ZNHIT6: variants seen among roughly 807,000 people sequenced by gnomAD.
The protein encoded by ZNHIT6 is box C/D snoRNA protein 1.
Under a neutral mutation model 57.2 loss-of-function variants are expected in ZNHIT6, and 45 were observed. That is an observed-to-expected ratio of 0.79 (90% CI 0.62 to 1.01). ZNHIT6 has a LOEUF of 1.01. ZNHIT6 is among the 50% of genes least tolerant of loss of function. The pLI is 0.00. For synonymous variants in ZNHIT6, 188 were observed against 190.0 expected (o/e 0.99, Z 0.09); for missense variants, 528 against 567.3 (o/e 0.93, Z 0.70).
intron 8 of ZNHIT6, among the ~76,000 whole-genome samples, chr1:85,674,170 T>G (rs983204662): frequency 5.9e-5 from 9 of 152,198 alleles, no homozygotes; most frequent in Admixed American, 5.9e-4. Context: ...TTCCTTTGCT[T>G]TGATAGTATT....
intron 4 of ZNHIT6, among the ~76,000 whole-genome samples, chr1:85,702,808 G>A (rs1662574099): frequency 6.6e-6 from 1 of 152,138 alleles, no homozygotes; most frequent in Admixed American, 6.5e-5. Flanking sequence ...GAACATTCTG[G>A]CTCTGACATG....
chr1:85,702,477 C>T (rs982300485), intron 4 of ZNHIT6, among the ~76,000 whole-genome samples: 7 of 152,166 alleles, frequency 4.6e-5, no homozygotes, highest in African/African-American at 1.7e-4. Flanking sequence ...CAACATCATA[C>T]AGCTATCCCA....
At chr1:85,674,306 C>CT (rs896709026) in intron 8 of ZNHIT6, among the ~76,000 whole-genome samples, 6 of 148,756 alleles carry the variant, frequency 4.0e-5, no homozygotes, top group Admixed American at 1.3e-4. Flanking sequence ...TTATCTTTTT[C>CT]TTTTTTTTTT....
chr1:85,690,495 C>T (rs927989286), intron 5 of ZNHIT6, among the ~76,000 whole-genome samples: 1 of 152,168 alleles, frequency 6.6e-6, no homozygotes, highest in Non-Finnish European at 1.5e-5. Flanking sequence ...TTTCCTGTTC[C>T]CTGCTCTCAG....
rs1660964363 is a variant in ZNHIT6 at position 85,653,311 on chromosome 1, A to T, written c.*747T>A. 6.6e-6 allele frequency: 1 copy of T among 151,970 alleles called. No individual in the cohort carries two copies. The highest frequency in any genetic ancestry group is 2.4e-5 in the African/African-American group (1 of 41,330). The allele number at this position is 151,970 out of a possible 1,614,324, so 9.4% of individuals were successfully genotyped here. The stretch of plus-strand genomic sequence containing the variant: ...TCTCACAAGGGTAAGTTACATAAAA[A>T]CTCCAAAGAAGAAAGGGCAACTGAT... On this transcript the variant is annotated 3_prime_UTR_variant, in exon 10 of 10. Transcript: ENST00000370574.
At chr1:85,667,961 A>AAAAATATATAT in intron 8 of ZNHIT6, among the ~76,000 whole-genome samples, 1 of 18,202 alleles carries the variant, frequency 5.5e-5, no homozygotes, top group African/African-American at 2.1e-4. Flanking sequence ...AAAAAAAAAA[A>AAAAATATATAT]ATATATATAT....
At chr1:85,695,690 C>G (rs1662347751) in intron 5 of ZNHIT6, among the ~76,000 whole-genome samples, 1 of 152,158 alleles carries the variant, frequency 6.6e-6, no homozygotes, top group Admixed American at 6.5e-5. Flanking sequence ...TTAGCATGTC[C>G]TTAATCAACA....
chr1:85,683,245 A>G (rs2100687384), intron 5 of ZNHIT6, among the ~76,000 whole-genome samples: 1 of 152,140 alleles, frequency 6.6e-6, no homozygotes, highest in South Asian at 2.1e-4. Context: ...TAGGCCAGGC[A>G]AGGTGGCTCA....
At chr1:85,696,161 A>G (rs994845814) in intron 5 of ZNHIT6, among the ~76,000 whole-genome samples, 5 of 148,288 alleles carry the variant, frequency 3.4e-5, no homozygotes, top group African/African-American at 9.8e-5. Context: ...AATAATCGCT[A>G]ATTTATTAAC....
At chr1:85,694,919 G>T (rs1324424700) in intron 5 of ZNHIT6, among the ~76,000 whole-genome samples, 1 of 151,996 alleles carries the variant, frequency 6.6e-6, no homozygotes. Context: ...TTTTGATCTT[G>T]GTACATTAAT....
At chr1:85,685,844 C>A (rs1475943714) in intron 5 of ZNHIT6, among the ~76,000 whole-genome samples, 1 of 152,078 alleles carries the variant, frequency 6.6e-6, no homozygotes, top group East Asian at 1.9e-4. Flanking sequence ...CAGGTGTGAG[C>A]CACCGTACCT....
intron 7 of ZNHIT6, among the ~76,000 whole-genome samples, chr1:85,677,956 T>C (rs565375465): frequency 5.9e-5 from 9 of 152,338 alleles, no homozygotes; most frequent in Admixed American, 3.3e-4. Context: ...TGCTAGGTCC[T>C]GTACTAGGAA....
At chr1:85,696,190 TTA>T (rs1416456251) in intron 5 of ZNHIT6, among the ~76,000 whole-genome samples, 1 of 151,850 alleles carries the variant, frequency 6.6e-6, no homozygotes, top group East Asian at 1.9e-4. Context: ...TTTTTTTTTT[TTA>T]GAGACAGGGT....
intron 9 of ZNHIT6, among the ~76,000 whole-genome samples, chr1:85,654,515 C>T (rs1661006280): frequency 6.6e-6 from 1 of 152,116 alleles, no homozygotes; most frequent in Non-Finnish European, 1.5e-5. Flanking sequence ...ACTAGCTAAT[C>T]GCCATCTCCT....
chr1:85,704,963 A>T (rs930985457), intron 4 of ZNHIT6, among the ~76,000 whole-genome samples: 14 of 152,206 alleles, frequency 9.2e-5, no homozygotes, highest in Non-Finnish European at 1.3e-4. Flanking sequence ...TTAGAATAGC[A>T]AGTCTTGTTA....
At chr1:85,664,755 G>A (rs747803905) in intron 8 of ZNHIT6, among the ~76,000 whole-genome samples, 1 of 151,754 alleles carries the variant, frequency 6.6e-6, no homozygotes, top group African/African-American at 2.4e-5. Flanking sequence ...ATCTGTACAC[G>A]TACCCCTGAA....
chr1:85,675,988 G>A (rs892193628), intron 8 of ZNHIT6, among the ~76,000 whole-genome samples: 15 of 152,100 alleles, frequency 9.9e-5, no homozygotes, highest in Non-Finnish European at 8.8e-5. Flanking sequence ...GGGAATGTTC[G>A]GGCTGGTTTG....
In ZNHIT6 at chr1:85,707,688, C is replaced by G; in HGVS notation, c.597G>C (p.Val199=). 6.3e-7 allele frequency: 1 copy of G among 1,588,898 alleles called. No individual in the cohort carries two copies. Among genetic ancestry groups the G allele is most frequent in the Non-Finnish European group, 8.5e-7 (1 of 1,170,380 alleles). The change falls in exon 1 of 10, where the codon GTG becomes GTC. Residue 199 remains valine (V), a synonymous_variant. Coordinates refer to ENST00000370574, the MANE Select transcript of ZNHIT6 (RefSeq NM_017953.4). ...GGTGATTTATCGGAGGCTCTTCTTT[C>G]ACCTTTGTATCATCCACGATTTCTT... The part of the protein sequence containing the change: ...LKKEIVDDTK[V]KEEPPINHPV...
At chr1:85,689,587 G>A (rs1299197288) in intron 5 of ZNHIT6, among the ~76,000 whole-genome samples, 1 of 152,122 alleles carries the variant, frequency 6.6e-6, no homozygotes, top group African/African-American at 2.4e-5. Context: ...TTAACTATGT[G>A]GTATTGGCTT....
Sources: gnomAD v4.1 joint callset for allele counts (sites outside exome capture counted in the v4.1 genomes callset) on GRCh38, gnomAD v4.1.1 for gene constraint, MANE v1.5 for transcripts, NCBI Gene and HGNC (gene_info 2026-07-23, HGNC 2026-07-21) for gene names.